Variants in ATP10A observed in about 807,000 individuals in gnomAD.
ATP10A encodes the protein phospholipid-transporting ATPase VA.
Under a neutral mutation model 147.8 loss-of-function variants are expected in ATP10A, and 111 were observed. The ratio of observed to expected loss-of-function variants is 0.75; its 90% CI spans 0.64 to 0.88. The LOEUF is 0.88. ATP10A is among the 40% of genes least tolerant of loss of function. The pLI, the probability that ATP10A is intolerant of heterozygous loss-of-function variation, is 0.00. For missense variants in ATP10A, 1,927 were observed against 1,959.0 expected (o/e 0.98, Z 0.31); for synonymous variants, 875 against 841.6 (o/e 1.04, Z -0.69).
intron 2 of ATP10A, among the ~76,000 whole-genome samples, chr15:25,774,377 C>T (rs1170786550): frequency 6.6e-6 from 1 of 152,160 alleles, no homozygotes; most frequent in South Asian, 2.1e-4. Flanking sequence ...GAGTTCAAGA[C>T]CAGCCTGACC....
At chr15:25,732,832 G>A (rs1887023658) in intron 3 of ATP10A, among the ~76,000 whole-genome samples, 1 of 151,988 alleles carries the variant, frequency 6.6e-6, no homozygotes. Flanking sequence ...TGGGATTACA[G>A]GTGTGAGCCA....
At chr15:25,768,540 C>CT (rs59228132) in intron 2 of ATP10A, among the ~76,000 whole-genome samples, 160 of 132,210 alleles carry the variant, frequency 1.2e-3, no homozygotes, top group African/African-American at 1.6e-3. Context: ...CTCTCTCTCT[C>CT]TTTTTTTTTT....
chr15:25,725,055 G>C (rs1465038902), intron 5 of ATP10A, among the ~76,000 whole-genome samples: 3 of 152,192 alleles, frequency 2.0e-5, no homozygotes. Context: ...GGGCAGCACA[G>C]CTGGAGGTGA....
intron 19 of ATP10A, 49 bp downstream of exon 19, chr15:25,680,761 C>A: frequency 1.3e-6 from 2 of 1,532,454 alleles, no homozygotes; most frequent in South Asian, 2.2e-5. Flanking sequence ...AGTGTGGGGT[C>A]CACGGCATCA....
intron 1 of ATP10A, among the ~76,000 whole-genome samples, chr15:25,835,272 TA>T (rs1892541972): frequency 6.6e-6 from 1 of 152,168 alleles, no homozygotes; most frequent in Non-Finnish European, 1.5e-5. Context: ...CCTTATCTCT[TA>T]AAAATTAATC....
chr15:25,829,957 T>C lies in ATP10A; in HGVS notation c.449+32691A>G, dbSNP rs532608385. On this transcript the variant is annotated intron_variant, in intron 1 of 20. Coordinates refer to ENST00000555815, the MANE Select transcript of ATP10A (RefSeq NM_024490.4). Reference sequence around the variant, plus strand: ...CTATTGTAAGGAATCACTTTGGCCATTGGGTGGAGGATGCTCAGGTGTGTG... The same window carrying C: ...CTATTGTAAGGAATCACTTTGGCCACTGGGTGGAGGATGCTCAGGTGTGTG... 3.3e-5 allele frequency among the ~76,000 whole-genome samples: 5 copies of C among 152,110 alleles called. No individual in the cohort carries two copies. The East Asian group carries it at 9.7e-4, about 29-fold the overall frequency.
chr15:25,733,229 C>A (rs1887049237), intron 3 of ATP10A, among the ~76,000 whole-genome samples: 1 of 152,132 alleles, frequency 6.6e-6, no homozygotes, highest in African/African-American at 2.4e-5. Context: ...GGAAGCAAAC[C>A]AGGGAGGTGG....
intron 1 of ATP10A, among the ~76,000 whole-genome samples, chr15:25,813,850 CTT>C (rs55832964): frequency 1.3e-5 from 2 of 149,226 alleles, no homozygotes; most frequent in African/African-American, 4.9e-5. Context: ...ATGAAACAGA[CTT>C]TTTTTTTTAA....
At chr15:25,759,911 A>G (rs558265988) in intron 2 of ATP10A, among the ~76,000 whole-genome samples, 15 of 151,722 alleles carry the variant, frequency 9.9e-5, no homozygotes, top group African/African-American at 3.1e-4. Context: ...TATCTTTGAA[A>G]TCTTCTGTCA....
intron 1 of ATP10A, among the ~76,000 whole-genome samples, chr15:25,856,361 A>G (rs911958358): frequency 6.6e-6 from 1 of 152,162 alleles, no homozygotes; most frequent in Non-Finnish European, 1.5e-5. Context: ...TTCTGTCATT[A>G]TTGTAAGTTT....
At chr15:25,855,345 A>T (rs1893467111) in intron 1 of ATP10A, among the ~76,000 whole-genome samples, 1 of 152,188 alleles carries the variant, frequency 6.6e-6, no homozygotes. Flanking sequence ...TCAATTAATG[A>T]GTATATGTCA....
chr15:25,789,242 T>C (rs918431451), intron 1 of ATP10A, among the ~76,000 whole-genome samples: 1 of 152,022 alleles, frequency 6.6e-6, no homozygotes, highest in African/African-American at 2.4e-5. Flanking sequence ...ATTACAAGAG[T>C]GAGCCCCCAT....
intron 2 of ATP10A, among the ~76,000 whole-genome samples, chr15:25,740,189 T>C (rs1001645380): frequency 6.6e-6 from 1 of 152,224 alleles, no homozygotes; most frequent in African/African-American, 2.4e-5. Flanking sequence ...ATGTCCTCCA[T>C]CTTGAAACAG....
chr15:25,691,930 T>C, intron 14 of ATP10A, 139 bp from the exon 15 acceptor site: 1 of 904,916 alleles, frequency 1.1e-6, no homozygotes, highest in Non-Finnish European at 1.8e-6. Context: ...GAAAAAGGAG[T>C]AGAGCATCCA....
At chr15:25,744,642 C>T (rs979988113) in intron 2 of ATP10A, among the ~76,000 whole-genome samples, 1 of 152,106 alleles carries the variant, frequency 6.6e-6, no homozygotes, top group Admixed American at 6.5e-5. Flanking sequence ...AAATATAGAG[C>T]CCACATGAAA....
At chr15:25,793,568 G>C (rs1890532546) in intron 1 of ATP10A, among the ~76,000 whole-genome samples, 1 of 152,196 alleles carries the variant, frequency 6.6e-6, no homozygotes, top group South Asian at 2.1e-4. Flanking sequence ...ACTTCGCTGG[G>C]TGTGAGTTCT....
At chr15:25,797,026 A>G (rs1890703717) in intron 1 of ATP10A, among the ~76,000 whole-genome samples, 1 of 152,194 alleles carries the variant, frequency 6.6e-6, no homozygotes, top group African/African-American at 2.4e-5. Context: ...ATTTTGAAAT[A>G]CACATTGCTA....
chr15:25,723,957 A>C lies in ATP10A; in HGVS notation c.1044T>G (p.Asp348Glu). 4 of 1,611,740 alleles carry C rather than the reference A, an allele frequency of 2.5e-6. No individual in the cohort carries two copies. The highest frequency in any genetic ancestry group is 2.5e-6 in the Non-Finnish European group (3 of 1,179,190). ...CTGTGACTGGGGATAAGGAGCTTCCATCAGACTTGGGGACATAAAATAATG... is the reference window on the plus strand; with the variant it reads ...CTGTGACTGGGGATAAGGAGCTTCCCTCAGACTTGGGGACATAAAATAATG... ...KKSLFYVPKS[D>E]GSSLSPVTAA... The change falls in exon 6 of 21, where the codon GAT becomes GAG. Residue 348 changes from aspartate (D) to glutamate (E), a missense_variant. By Grantham distance (45) the Asp-to-Glu change is conservative. Coordinates refer to ENST00000555815, the MANE Select transcript of ATP10A (RefSeq NM_024490.4).
At chr15:25,689,134 C>T (rs778703813) in intron 15 of ATP10A, among the ~76,000 whole-genome samples, 5 of 152,246 alleles carry the variant, frequency 3.3e-5, no homozygotes, top group East Asian at 1.9e-4. Flanking sequence ...CCTCTGAGGA[C>T]GCCTGGCTTG....
Sources: gnomAD v4.1 joint callset for allele counts (sites outside exome capture counted in the v4.1 genomes callset) on GRCh38, gnomAD v4.1.1 for gene constraint, MANE v1.5 for transcripts, NCBI Gene and HGNC (gene_info 2026-07-23, HGNC 2026-07-21) for gene names.